EML2: variants seen among roughly 807,000 people sequenced by gnomAD.
EML2 encodes echinoderm microtubule-associated protein-like 2.
EML2 carries 59 observed loss-of-function variants against 84.7 expected under a neutral mutation model. That is an observed-to-expected ratio of 0.70 (90% CI 0.56 to 0.86). The LOEUF is 0.86. Among genes scored for constraint, EML2 ranks in the 40% least tolerant of loss-of-function variants. EML2 has a pLI of 0.00. For missense variants in EML2, 818 were observed against 855.6 expected (o/e 0.96, Z 0.55); for synonymous variants, 352 against 348.9 (o/e 1.01, Z -0.10).
intron 3 of EML2, among the ~76,000 whole-genome samples, chr19:45,635,803 G>A (rs980410058): frequency 5.9e-5 from 9 of 151,464 alleles, no homozygotes; most frequent in Non-Finnish European, 8.8e-5. Flanking sequence ...TGTTGGTCAC[G>A]CTGGTCTTGA....
At chr19:45,645,390 C>G (rs754177536), upstream of EML2, 7 of 1,505,404 alleles carry the variant, frequency 4.6e-6, no homozygotes, top group East Asian at 1.0e-4. Context: ...CGGGCCCGGT[C>G]CCCCCAACCA....
chr19:45,630,450 G>T (rs1343741892), intron 6 of EML2, among the ~76,000 whole-genome samples: 1 of 151,626 alleles, frequency 6.6e-6, no homozygotes, highest in African/African-American at 2.4e-5. Flanking sequence ...CTACTCGGGA[G>T]GCTGAGGCAG....
At chr19:45,630,183 T>G in intron 6 of EML2, 137 bp from the exon 7 acceptor site, 2 of 647,178 alleles carry the variant, frequency 3.1e-6, no homozygotes, top group Non-Finnish European at 2.8e-6. Context: ...GAGGATCGCT[T>G]GAGTCCAGGA....
At chr19:45,620,601 C>T (rs757007483) in intron 11 of EML2, among the ~76,000 whole-genome samples, 4 of 149,684 alleles carry the variant, frequency 2.7e-5, no homozygotes, top group Non-Finnish European at 5.9e-5. Context: ...TCCAGCTACT[C>T]GGGAGGCTGA....
intron 8 of EML2, among the ~76,000 whole-genome samples, chr19:45,625,296 AGTGGC>A (rs1972176651): frequency 6.6e-6 from 1 of 151,870 alleles, no homozygotes; most frequent in Admixed American, 6.6e-5. Context: ...GCTGGAGTGC[AGTGGC>A]GTGATCTCGG....
intron 7 of EML2, among the ~76,000 whole-genome samples, chr19:45,629,712 G>A (rs1171701670): frequency 2.0e-5 from 3 of 150,448 alleles, no homozygotes; most frequent in Admixed American, 6.7e-5. Context: ...CTCTCATGTC[G>A]GCCTCCCAAG....
upstream of EML2, chr19:45,645,356 C>A (rs1023200190): frequency 5.2e-6 from 8 of 1,529,032 alleles, no homozygotes; most frequent in African/African-American, 1.1e-4. Context: ...ACCACAGCCA[C>A]CGCCGGCCCC....
upstream of EML2, chr19:45,645,552 C>A: frequency 9.4e-7 from 1 of 1,061,178 alleles, no homozygotes; most frequent in Non-Finnish European, 1.3e-6. Flanking sequence ...CCAAGCCCCC[C>A]AACACAATCC....
chr19:45,616,708 G>A, intron 14 of EML2, 57 bp downstream of exon 14: 2 of 1,532,592 alleles, frequency 1.3e-6, no homozygotes, highest in East Asian at 4.6e-5. Flanking sequence ...CCTGCCAAGA[G>A]CTCTGAGCCT....
intron 3 of EML2, among the ~76,000 whole-genome samples, chr19:45,637,660 TTC>T (rs1450708836): frequency 2.3e-5 from 2 of 86,674 alleles, no homozygotes; most frequent in African/African-American, 3.6e-5. Context: ...TTTTTTCTTT[TTC>T]TTTTCTTTTT....
chr19:45,645,560 T>G, upstream of EML2: 2 of 961,534 alleles, frequency 2.1e-6, no homozygotes, highest in Non-Finnish European at 2.9e-6. Flanking sequence ...CCCAACACAA[T>G]CCTAGGGCCA....
chr19:45,615,153 A>G (rs972002083), intron 16 of EML2: 10 of 160,004 alleles, frequency 6.2e-5, no homozygotes, highest in Non-Finnish European at 9.6e-5. Context: ...CCTGGTCAAC[A>G]TGGCGAAACC....
In EML2 at chr19:45,616,285, G is replaced by C. The variant is rs1288355457; in HGVS notation, c.1509+176C>G. 4 of 588,340 alleles carry C rather than the reference G, an allele frequency of 6.8e-6. No homozygotes were observed. The Admixed American group carries it at 1.2e-4, about 18-fold the overall frequency. 36.4% of individuals were successfully genotyped at this position (588,340 alleles called of 1,614,324 possible). A position where few individuals can be genotyped will look rare whatever the true frequency, so the allele number is the denominator to read the frequency against. Reference sequence around the variant, plus strand: ...CACGTGGGGGCGGGGCTACACAAAGGGGCGGGCTTAGAACACACGAGGTGG... The same window carrying C: ...CACGTGGGGGCGGGGCTACACAAAGCGGCGGGCTTAGAACACACGAGGTGG... On this transcript the variant is annotated intron_variant, in intron 15 of 18. Coordinates refer to ENST00000245925, the MANE Select transcript of EML2 (RefSeq NM_012155.4).
In EML2 at chr19:45,617,472, C is replaced by T. The variant is rs564561498; in HGVS notation, c.1322+158G>A. On this transcript the variant is annotated intron_variant, in intron 13 of 18. Transcript: ENST00000245925. ...ACTCGGGAGGCTGAGGCAGGCAAATCGCTTGAACCTGGGAGGCAGAGGCTG... is the reference window on the plus strand; with the variant it reads ...ACTCGGGAGGCTGAGGCAGGCAAATTGCTTGAACCTGGGAGGCAGAGGCTG... 4.0e-5 allele frequency among the ~76,000 whole-genome samples: 6 copies of T among 151,780 alleles called. No individual in the cohort carries two copies. In the East Asian group the frequency reaches 5.8e-4, roughly 15 times the overall value.
chr19:45,615,525 TAATAATAATA>T (rs1173144801), intron 16 of EML2, among the ~76,000 whole-genome samples: 2 of 143,816 alleles, frequency 1.4e-5, no homozygotes, highest in Admixed American at 7.0e-5. Flanking sequence ...CTCAAAATAA[TAATAATAATA>T]ATAATAATAA....
intron 7 of EML2, among the ~76,000 whole-genome samples, chr19:45,627,618 T>C (rs1265535411): frequency 1.3e-5 from 2 of 152,118 alleles, no homozygotes; most frequent in Non-Finnish European, 2.9e-5. Flanking sequence ...AGCATTATCA[T>C]CTTCTTCATC....
At chr19:45,612,237 G>A (rs778852478) in intron 18 of EML2, among the ~76,000 whole-genome samples, 2 of 152,020 alleles carry the variant, frequency 1.3e-5, no homozygotes, top group Admixed American at 6.6e-5. Flanking sequence ...GCTAACTTTT[G>A]TATTTTTAGT....
chr19:45,644,247 A>T (rs1257963325), upstream of EML2, among the ~76,000 whole-genome samples: 1 of 152,180 alleles, frequency 6.6e-6, no homozygotes, highest in East Asian at 1.9e-4. Flanking sequence ...AATCCATTTT[A>T]GGAGGAGAGG....
rs150881342 is a variant in EML2 at position 45,612,057 on chromosome 19, C to CTT, written c.1824+1482_1824+1483dup. On this transcript the variant is annotated intron_variant, in intron 18 of 18. Coordinates refer to ENST00000245925, the MANE Select transcript of EML2 (RefSeq NM_012155.4). ...TGGCTAATTTTTGTATTTTTGTATT[C>CTT]TTTTTTTTTTTTGAGACAAAGTCTC... 7.6e-5 allele frequency among the ~76,000 whole-genome samples: 11 copies of CTT among 145,260 alleles called. No homozygotes were observed. The East Asian group carries it at 1.2e-3, about 16-fold the overall frequency.
Sources: gnomAD v4.1 joint callset for allele counts (sites outside exome capture counted in the v4.1 genomes callset) on GRCh38, gnomAD v4.1.1 for gene constraint, MANE v1.5 for transcripts, NCBI Gene and HGNC (gene_info 2026-07-23, HGNC 2026-07-21) for gene names.